HDHD2: variants seen among roughly 807,000 people sequenced by gnomAD.
HDHD2 encodes the protein haloacid dehalogenase-like hydrolase domain-containing protein 2.
A neutral mutation model predicts 24.8 loss-of-function variants in HDHD2; 26 were observed. That is an observed-to-expected ratio of 1.05 (90% CI 0.77 to 1.45). The LOEUF is 1.45. HDHD2 is among the 40% of genes most tolerant of loss of function. HDHD2 has a pLI of 0.00. For missense variants in HDHD2, 299 were observed against 313.4 expected (o/e 0.95, Z 0.35); for synonymous variants, 128 against 114.9 (o/e 1.11, Z -0.73).
chr18:47,123,029 G>A (rs1218843657), intron 4 of HDHD2, among the ~76,000 whole-genome samples: 1 of 152,136 alleles, frequency 6.6e-6, no homozygotes, highest in Non-Finnish European at 1.5e-5. Flanking sequence ...CTATCACCAT[G>A]TTTATTAGGA....
At chr18:47,110,307 T>C in intron 6 of HDHD2, 1 of 985,252 alleles carries the variant, frequency 1.0e-6, no homozygotes, top group Non-Finnish European at 1.2e-6. Flanking sequence ...ACAAAGGTAA[T>C]TAATATATAC....
At chr18:47,145,666 A>G (rs1022533474) in intron 1 of HDHD2, among the ~76,000 whole-genome samples, 2 of 152,184 alleles carry the variant, frequency 1.3e-5, no homozygotes, top group Non-Finnish European at 2.9e-5. Context: ...GCAAAACTAA[A>G]ACTTTTAGAT....
Position 47,115,180 on chromosome 18 carries a change from T to A in HDHD2, c.564A>T (p.Ala188=). 6.2e-7 allele frequency: 1 copy of A among 1,613,906 alleles called. No homozygotes were observed. Among genetic ancestry groups the A allele is most frequent in the Non-Finnish European group, 8.5e-7 (1 of 1,179,892 alleles). The change falls in exon 5 of 7, where the codon GCA becomes GCT. Residue 188 remains alanine (A), a synonymous_variant. Coordinates refer to ENST00000300605, the MANE Select transcript of HDHD2 (RefSeq NM_032124.5). ...GKPEKTFFLE[A]LRGTGCEPEE... ...CAGGTTCACAGCCAGTGCCCCGCAA[T>A]GCTTCCAAAAAGAACGTCTTCTCTG...
intron 1 of HDHD2, among the ~76,000 whole-genome samples, chr18:47,143,212 G>A (rs2063835750): frequency 6.6e-6 from 1 of 152,176 alleles, no homozygotes; most frequent in African/African-American, 2.4e-5. Context: ...AGCACTTTGG[G>A]TGGCTGAGGT....
intron 1 of HDHD2, chr18:47,148,983 T>G (rs934809525): frequency 2.0e-5 from 3 of 152,342 alleles, no homozygotes; most frequent in Admixed American, 2.0e-4. Flanking sequence ...CTCAGTTTCT[T>G]CATTGCTAAT....
chr18:47,109,133 T>C, intron 6 of HDHD2: 1 of 204,278 alleles, frequency 4.9e-6, no homozygotes, highest in Non-Finnish European at 9.7e-6. Context: ...AATTAATGCT[T>C]TAAAATGGAA....
At chr18:47,131,224 G>A (rs529100289) in intron 3 of HDHD2, among the ~76,000 whole-genome samples, 6 of 152,040 alleles carry the variant, frequency 3.9e-5, no homozygotes, top group East Asian at 1.9e-4. Flanking sequence ...TGATCCACCC[G>A]CCTCAGCCTC....
In HDHD2 at chr18:47,136,454, G is replaced by C. The variant is rs763012924; in HGVS notation, c.-10-5C>G. The C allele has an allele frequency of 6.2e-7, 1 of 1,609,596 alleles. No individual in the cohort carries two copies. Among genetic ancestry groups the C allele is most frequent in the Admixed American group, 1.7e-5 (1 of 59,712 alleles). On this transcript the variant is annotated splice_region_variant and splice_polypyrimidine_tract_variant and intron_variant, in intron 1 of 6. Coordinates refer to ENST00000300605, the MANE Select transcript of HDHD2 (RefSeq NM_032124.5). ...CATGCTGCCATCCTTCATTCCCTAGGAGAGAGCAAATGAAATTAAAAATAC... is the reference window on the plus strand; with the variant it reads ...CATGCTGCCATCCTTCATTCCCTAGCAGAGAGCAAATGAAATTAAAAATAC...
At chr18:47,143,706 A>T (rs2063840607) in intron 1 of HDHD2, among the ~76,000 whole-genome samples, 1 of 152,074 alleles carries the variant, frequency 6.6e-6, no homozygotes, top group Admixed American at 6.6e-5. Context: ...TTTATTTTTA[A>T]CTCCAAGTGG....
chr18:47,133,417 C>T (rs1456848101), intron 3 of HDHD2, among the ~76,000 whole-genome samples: 1 of 150,914 alleles, frequency 6.6e-6, no homozygotes, highest in African/African-American at 2.4e-5. Context: ...TGGGTTGGTT[C>T]CAAGTCTTTG....
intron 3 of HDHD2, among the ~76,000 whole-genome samples, chr18:47,134,141 T>A (rs2144352075): frequency 6.6e-6 from 1 of 152,330 alleles, no homozygotes; most frequent in African/African-American, 2.4e-5. Context: ...CGGGTCGTGA[T>A]CTATTATTAG....
At chr18:47,110,411 T>C in intron 6 of HDHD2, 1 of 985,278 alleles carries the variant, frequency 1.0e-6, no homozygotes, top group Non-Finnish European at 1.2e-6. Context: ...TAAATATCGT[T>C]AGTATAAACT....
Position 47,108,436 on chromosome 18 carries a change from A to G in HDHD2, c.*246T>C, listed in dbSNP as rs1270255458. ...TAACCTGATGAATATTTTAAAAGGA[A>G]TGGCACAAAATCTCAGCTTTCCCTT... On this transcript the variant is annotated 3_prime_UTR_variant, in exon 7 of 7. Transcript: ENST00000300605. 5.4e-6 allele frequency: 2 copies of G among 367,014 alleles called. No individual in the cohort carries two copies. Among genetic ancestry groups the G allele is most frequent in the Non-Finnish European group, 9.6e-6 (2 of 207,382 alleles). The allele number at this position is 367,014 out of a possible 1,614,324, so 22.7% of individuals were successfully genotyped here. A position where few individuals can be genotyped will look rare whatever the true frequency, so the allele number is the denominator to read the frequency against.
intron 1 of HDHD2, among the ~76,000 whole-genome samples, chr18:47,136,661 A>C (rs868115622): frequency 1.3e-5 from 2 of 152,114 alleles, no homozygotes; most frequent in Admixed American, 6.6e-5. Flanking sequence ...TAAAAAAAAA[A>C]AACACTTGAA....
At chr18:47,110,440 T>A (rs939574590) in intron 6 of HDHD2, 1 of 985,168 alleles carries the variant, frequency 1.0e-6, no homozygotes, top group Non-Finnish European at 1.2e-6. Context: ...AGGTTTCTAT[T>A]TGATCTTACA....
intron 4 of HDHD2, among the ~76,000 whole-genome samples, chr18:47,127,160 C>CAAA (rs111559391): frequency 6.8e-6 from 1 of 146,130 alleles, no homozygotes; most frequent in Admixed American, 6.8e-5. Flanking sequence ...GACTCCGTCT[C>CAAA]AAAAAAAAAA....
chr18:47,114,126 G>C (rs748932684), intron 5 of HDHD2, among the ~76,000 whole-genome samples: 3 of 152,168 alleles, frequency 2.0e-5, no homozygotes, highest in African/African-American at 2.4e-5. Flanking sequence ...GCAGCTAAAG[G>C]CTTGTCAAGA....
In HDHD2 at chr18:47,107,952, T is replaced by A. The variant is rs2063487378; in HGVS notation, c.*730A>T. The A allele has an allele frequency of 6.5e-6, 1 of 152,696 alleles. No individual in the cohort carries two copies. The highest frequency in any genetic ancestry group is 2.4e-5 in the African/African-American group (1 of 41,474). The allele number at this position is 152,696 out of a possible 1,614,324, so 9.5% of individuals were successfully genotyped here. ...AAACATCTGTAAAATACTGATAGTTTTAATTTTACATAAAATTTCCAAAAC... is the reference window on the plus strand; with the variant it reads ...AAACATCTGTAAAATACTGATAGTTATAATTTTACATAAAATTTCCAAAAC... On this transcript the variant is annotated 3_prime_UTR_variant, in exon 7 of 7. Transcript: ENST00000300605.
chr18:47,144,813 AAG>A (rs2063852959), intron 1 of HDHD2, among the ~76,000 whole-genome samples: 3 of 148,004 alleles, frequency 2.0e-5, no homozygotes, highest in Non-Finnish European at 3.0e-5. Flanking sequence ...AAAAAAAAAA[AAG>A]AAAAGAAAAG....
Sources: gnomAD v4.1 joint callset for allele counts (sites outside exome capture counted in the v4.1 genomes callset) on GRCh38, gnomAD v4.1.1 for gene constraint, MANE v1.5 for transcripts, NCBI Gene and HGNC (gene_info 2026-07-23, HGNC 2026-07-21) for gene names.